RGS7: variants seen among roughly 807,000 people sequenced by gnomAD.
RGS7 encodes regulator of G-protein signaling 7.
RGS7 carries 27 observed loss-of-function variants against 81.1 expected under a neutral mutation model. The ratio of observed to expected loss-of-function variants is 0.33; its 90% CI spans 0.25 to 0.46. The LOEUF (loss-of-function observed/expected upper bound fraction) is 0.46, where lower values mean the gene tolerates loss of function less well. Ranked by LOEUF, RGS7 falls within the 20% of genes least tolerant of loss-of-function variation. RGS7 has a pLI of 1.00. For missense variants in RGS7, 396 were observed against 607.4 expected, an observed-to-expected ratio of 0.65 and a Z score of 3.66; for synonymous variants, 208 against 207.7, an observed-to-expected ratio of 1.00 and a Z score of -0.01.
chr1:240,923,713 GAA>G (rs35315041), intron 6 of RGS7, among the ~76,000 whole-genome samples: 44 of 140,164 alleles, frequency 3.1e-4, no homozygotes, highest in East Asian at 6.1e-4. Flanking sequence ...GAATCCAGAT[GAA>G]AAAAAAAAAA....
intron 2 of RGS7, among the ~76,000 whole-genome samples, chr1:241,234,686 T>A (rs572851857): frequency 1.3e-5 from 2 of 152,086 alleles, no homozygotes; most frequent in Non-Finnish European, 2.9e-5. Context: ...CACACAATTC[T>A]CCCTGCTTTA....
intron 3 of RGS7, among the ~76,000 whole-genome samples, chr1:241,093,522 G>A (rs752710844): frequency 1.5e-4 from 23 of 152,110 alleles, no homozygotes; most frequent in East Asian, 3.9e-4. Flanking sequence ...AAAGAAAAAC[G>A]TAGTTAGCAT....
At chr1:240,959,191 A>G (rs1680938865) in intron 4 of RGS7, among the ~76,000 whole-genome samples, 1 of 152,258 alleles carries the variant, frequency 6.6e-6, no homozygotes, top group Admixed American at 6.5e-5. Context: ...CTGCTGAATT[A>G]AAAGAATCAA....
At chr1:241,311,673 C>T (rs1481944385) in intron 2 of RGS7, among the ~76,000 whole-genome samples, 3 of 152,162 alleles carry the variant, frequency 2.0e-5, no homozygotes, top group Non-Finnish European at 4.4e-5. Context: ...CAGTTTTTTT[C>T]ATTCACTCAC....
At chr1:241,266,662 C>T (rs936259781) in intron 2 of RGS7, among the ~76,000 whole-genome samples, 8 of 152,264 alleles carry the variant, frequency 5.3e-5, no homozygotes, top group African/African-American at 1.7e-4. Flanking sequence ...GGAGGTCTTC[C>T]GTAGTCTTCC....
chr1:241,332,559 A>G lies in RGS7; in HGVS notation c.78+23140T>C, dbSNP rs796098677. 1.2e-4 allele frequency among the ~76,000 whole-genome samples: 19 copies of G among 152,282 alleles called. 2 individuals are homozygous for G. The highest frequency in any genetic ancestry group is 4.6e-4 in the African/African-American group (19 of 41,544). On this transcript the variant is annotated intron_variant, in intron 2 of 18. Transcript: ENST00000440928. ...AATTCTGGCATGCGGGAGAGGGAGG[A>G]CTGAATGAGACAACTTCCGCGGCCC...
At chr1:240,939,731 A>G (rs1677244124) in intron 4 of RGS7, among the ~76,000 whole-genome samples, 1 of 152,090 alleles carries the variant, frequency 6.6e-6, no homozygotes, top group Admixed American at 6.6e-5. Context: ...CCAGGGCAAG[A>G]AAATAGCTCT....
rs74683385 is a variant in RGS7 at position 241,144,585 on chromosome 1, A to T, written c.79-45823T>A. 1.9e-3 allele frequency among the ~76,000 whole-genome samples: 287 copies of T among 152,358 alleles called. 8 individuals are homozygous for T. In the East Asian group the frequency reaches 0.05, roughly 27 times the overall value. ...TTTCAAAGAGCCAGCACTCCTCAGC[A>T]GAAGCCTAATCATCTCTGTGGATGT... On this transcript the variant is annotated intron_variant, in intron 2 of 18. Transcript: ENST00000440928. The surrounding 1 kb of genome is among the most constrained non-coding windows in gnomAD (Gnocchi z 4.7).
chr1:241,177,069 G>T (rs1377512943), intron 2 of RGS7, among the ~76,000 whole-genome samples: 1 of 152,176 alleles, frequency 6.6e-6, no homozygotes, highest in African/African-American at 2.4e-5. Flanking sequence ...TGAGAACCAT[G>T]AACAATATGA....
At chr1:241,160,110 CAAAAAAAAAAAA>C (rs369734662) in intron 2 of RGS7, among the ~76,000 whole-genome samples, 4 of 56,164 alleles carry the variant, frequency 7.1e-5, no homozygotes, top group Admixed American at 2.1e-4. Context: ...GACTCCATCT[CAAAAAAAAAAAA>C]AAAAAAAAGA....
intron 6 of RGS7, among the ~76,000 whole-genome samples, chr1:240,885,906 G>T (rs753487806): frequency 6.6e-6 from 1 of 152,118 alleles, no homozygotes; most frequent in Non-Finnish European, 1.5e-5. Context: ...TAAGATAAAA[G>T]TTTTAAAACA....
Position 240,775,912 on chromosome 1 carries a change from C to G in RGS7, c.*308G>C. Reference sequence around the variant, plus strand: ...GAAAAAAAGAAAAGGTTTTACTTCACTTGAACTTGTTAAAAAGGAAGAGAC... The same window carrying G: ...GAAAAAAAGAAAAGGTTTTACTTCAGTTGAACTTGTTAAAAAGGAAGAGAC... On this transcript the variant is annotated 3_prime_UTR_variant, in exon 19 of 19. Transcript: ENST00000440928. 1 of 486,600 alleles carries G rather than the reference C, an allele frequency of 2.1e-6. No homozygotes were observed. The highest frequency in any genetic ancestry group is 5.3e-4 in the Middle Eastern group (1 of 1,888). The allele number at this position is 486,600 out of a possible 1,614,324, so 30.1% of individuals were successfully genotyped here. A position where few individuals can be genotyped will look rare whatever the true frequency, so the allele number is the denominator to read the frequency against.
intron 2 of RGS7, among the ~76,000 whole-genome samples, chr1:241,150,192 T>G (rs1423323865): frequency 2.6e-5 from 4 of 152,172 alleles, no homozygotes; most frequent in African/African-American, 4.8e-5. Flanking sequence ...AGAGAGATGA[T>G]GAAATGGTTG....
chr1:240,898,112 T>C (rs1212377440), intron 6 of RGS7, among the ~76,000 whole-genome samples: 1 of 152,212 alleles, frequency 6.6e-6, no homozygotes, highest in Non-Finnish European at 1.5e-5. Flanking sequence ...TGTATTTCTG[T>C]GGGATTGGTG....
intron 10 of RGS7, among the ~76,000 whole-genome samples, chr1:240,818,663 G>A (rs990738697): frequency 2.0e-5 from 3 of 152,166 alleles, no homozygotes; most frequent in African/African-American, 7.2e-5. Flanking sequence ...TGAGCCTAGA[G>A]GACATTATGT....
At chr1:241,234,919 T>G (rs1221098862) in intron 2 of RGS7, among the ~76,000 whole-genome samples, 2 of 152,174 alleles carry the variant, frequency 1.3e-5, no homozygotes, top group Admixed American at 1.3e-4. Flanking sequence ...CTCCACATGG[T>G]TACCAAATCT....
At chr1:240,833,147 A>G (rs1372628796) in intron 9 of RGS7, among the ~76,000 whole-genome samples, 1 of 152,150 alleles carries the variant, frequency 6.6e-6, no homozygotes, top group Non-Finnish European at 1.5e-5. Flanking sequence ...TTCTGAAGTA[A>G]AGTAAGGGTG....
At chr1:241,013,488 C>T (rs893656499) in intron 3 of RGS7, among the ~76,000 whole-genome samples, 25 of 152,170 alleles carry the variant, frequency 1.6e-4, no homozygotes, top group African/African-American at 6.0e-4. Flanking sequence ...CAGCTAAGAA[C>T]TTGCGAGGGT....
intron 2 of RGS7, among the ~76,000 whole-genome samples, chr1:241,281,210 C>T (rs947709266): frequency 5.3e-5 from 8 of 152,148 alleles, no homozygotes; most frequent in African/African-American, 1.9e-4. Flanking sequence ...TGGTACGTGG[C>T]ACCATTTTCA....
Sources: allele counts gnomAD v4.1 joint callset (sites outside exome capture counted in the v4.1 genomes callset), GRCh38; gene constraint gnomAD v4.1.1; non-coding constraint Gnocchi (gnomAD v3.1); transcripts MANE v1.5; gene names NCBI Gene and HGNC (gene_info 2026-07-23, HGNC 2026-07-21).